CLMN: variants seen among roughly 807,000 people sequenced by gnomAD.
The protein encoded by CLMN is calmin, also known as calmin (calponin-like, transmembrane).
A neutral mutation model predicts 92.7 loss-of-function variants in CLMN; 57 were observed. The ratio of observed to expected loss-of-function variants is 0.61; its 90% confidence interval spans 0.50 to 0.77. CLMN has a LOEUF of 0.77. CLMN is among the 30% of genes least tolerant of loss of function. The probability of loss-of-function intolerance (pLI) is 0.00; values close to 1 mark genes in which losing one functional copy is unlikely to be tolerated. For synonymous variants in CLMN, 466 were observed against 470.6 expected (o/e 0.99, Z 0.13); for missense variants, 1,158 against 1,237.5 (o/e 0.94, Z 0.96).
intron 1 of CLMN, among the ~76,000 whole-genome samples, chr14:95,286,956 G>A (rs970612049): frequency 3.9e-5 from 6 of 152,202 alleles, no homozygotes; most frequent in Non-Finnish European, 7.3e-5. Flanking sequence ...TATGATTTGG[G>A]AGGGAGAACC....
rs542143520 is a variant in CLMN, at chr14:95,209,574, T to C, written c.803-97A>G. 6.2e-5 allele frequency: 61 copies of C among 979,648 alleles called. No homozygotes were observed. The South Asian group carries it at 7.5e-4, about 12-fold the overall frequency. 60.7% of individuals were successfully genotyped at this position (979,648 alleles called of 1,614,324 possible). On this transcript the variant is annotated intron_variant, in intron 7 of 12. Coordinates refer to ENST00000298912, the MANE Select transcript of CLMN (RefSeq NM_024734.4). ...GATGGTGAAGAATCCCACAGATTATTGAAGGTTTTTTCTCTTTATTTTCCA... is the reference window on the plus strand; with the variant it reads ...GATGGTGAAGAATCCCACAGATTATCGAAGGTTTTTTCTCTTTATTTTCCA...
chr14:95,238,663 T>A (rs1003735033), intron 1 of CLMN, among the ~76,000 whole-genome samples: 2 of 152,252 alleles, frequency 1.3e-5, no homozygotes. Context: ...GCCACCATGC[T>A]GACCAGGGAG....
intron 7 of CLMN, among the ~76,000 whole-genome samples, chr14:95,209,924 GGTCCTTA>G (rs1268204918): frequency 6.6e-6 from 1 of 152,092 alleles, no homozygotes; most frequent in Non-Finnish European, 1.5e-5. Context: ...AATGAAACCT[GGTCCTTA>G]AGGAAATAAT....
At chr14:95,195,404 C>T (rs1896679927) in intron 10 of CLMN, among the ~76,000 whole-genome samples, 1 of 152,196 alleles carries the variant, frequency 6.6e-6, no homozygotes, top group Non-Finnish European at 1.5e-5. Flanking sequence ...TGTGCCTTGG[C>T]CCTCCTCCCC....
intron 1 of CLMN, among the ~76,000 whole-genome samples, chr14:95,268,766 G>T (rs1566905217): frequency 6.7e-6 from 1 of 148,546 alleles, no homozygotes. Context: ...ACTAGTGAGG[G>T]TATACTGGGA....
chr14:95,197,663 A>G (rs964659155), intron 9 of CLMN, among the ~76,000 whole-genome samples: 17 of 152,286 alleles, frequency 1.1e-4, no homozygotes, highest in Middle Eastern at 3.4e-3. Context: ...GGTAATGAAG[A>G]TTCTTTGACC....
chr14:95,255,273 TC>T (rs1234858063), intron 1 of CLMN, among the ~76,000 whole-genome samples: 1 of 152,024 alleles, frequency 6.6e-6, no homozygotes, highest in South Asian at 2.1e-4. Flanking sequence ...GTACAGTAGT[TC>T]CCCCCATCTG....
At chr14:95,219,194 G>A (rs1275200105) in intron 4 of CLMN, among the ~76,000 whole-genome samples, 2 of 152,210 alleles carry the variant, frequency 1.3e-5, no homozygotes, top group Admixed American at 6.5e-5. Context: ...AGCAAACCTA[G>A]GACCTACTAG....
intron 1 of CLMN, among the ~76,000 whole-genome samples, chr14:95,280,629 C>T (rs2140739396): frequency 6.6e-6 from 1 of 152,178 alleles, no homozygotes; most frequent in African/African-American, 2.4e-5. Flanking sequence ...CTTTTTCTGA[C>T]CTGATTAATC....
In CLMN at chr14:95,194,202, CT is replaced by C; in HGVS notation, c.2770-284del. On this transcript the variant is annotated intron_variant, in intron 11 of 12. Transcript: ENST00000298912. This position sits in a 1 kb window ranked among gnomAD's most constrained non-coding sequence, Gnocchi z 4.0. ...CACATCTGCTACTGAGCACGTGCCACTGTCCATCGGACCTTGACTCATGTTG... is the reference window on the plus strand; with the variant it reads ...CACATCTGCTACTGAGCACGTGCCACGTCCATCGGACCTTGACTCATGTTG... The C allele has an allele frequency of 7.2e-7, 1 of 1,397,070 alleles. No homozygotes were observed. The highest frequency in any genetic ancestry group is 9.3e-7 in the Non-Finnish European group (1 of 1,080,076). 86.5% of individuals were successfully genotyped at this position (1,397,070 alleles called of 1,614,324 possible).
At chr14:95,237,952 T>A (rs1367442344) in intron 1 of CLMN, among the ~76,000 whole-genome samples, 1 of 152,138 alleles carries the variant, frequency 6.6e-6, no homozygotes, top group Non-Finnish European at 1.5e-5. Context: ...TCTCACTCCA[T>A]CAGCTTGAGC....
chr14:95,212,313 T>C (rs1444058317), intron 6 of CLMN, among the ~76,000 whole-genome samples: 1 of 152,202 alleles, frequency 6.6e-6, no homozygotes, highest in East Asian at 1.9e-4. Flanking sequence ...TTCACCAGGA[T>C]CTCAACCAGT....
chr14:95,292,481 G>A (rs1900615143), intron 1 of CLMN, among the ~76,000 whole-genome samples: 1 of 110,648 alleles, frequency 9.0e-6, no homozygotes, highest in Non-Finnish European at 1.9e-5. Context: ...TGGGTCACAG[G>A]CTCCATGGCC....
At chr14:95,202,030 C>T (rs900341999) in intron 9 of CLMN, among the ~76,000 whole-genome samples, 1 of 152,138 alleles carries the variant, frequency 6.6e-6, no homozygotes, top group Non-Finnish European at 1.5e-5. Context: ...AATAGTGTTG[C>T]AATAAACATA....
At chr14:95,310,758 G>C (rs562074877) in intron 1 of CLMN, among the ~76,000 whole-genome samples, 235 of 152,308 alleles carry the variant, frequency 1.5e-3, no homozygotes, top group Non-Finnish European at 1.9e-3. Flanking sequence ...GCTGTTCTGG[G>C]CATGGTCACA....
In CLMN at chr14:95,227,306, G is replaced by A. The variant is rs547890643; in HGVS notation, c.144+2766C>T. Among the ~76,000 whole-genome samples, 9 of 152,198 alleles carry A rather than the reference G, an allele frequency of 5.9e-5. No individual in the cohort carries two copies. In the South Asian group the frequency reaches 8.3e-4, roughly 14 times the overall value. On this transcript the variant is annotated intron_variant, in intron 2 of 12. Coordinates refer to ENST00000298912, the MANE Select transcript of CLMN (RefSeq NM_024734.4). ...GTCAAAATACAGGGCAATTCCACCC[G>A]CAGGTGCACAGAAAAGGGCTTCGCT...
At chr14:95,296,800 A>T (rs1900825752) in intron 1 of CLMN, among the ~76,000 whole-genome samples, 1 of 152,222 alleles carries the variant, frequency 6.6e-6, no homozygotes, top group Non-Finnish European at 1.5e-5. Flanking sequence ...AGCGGGCCAC[A>T]CCAGCTTGAA....
At chr14:95,300,894 C>A (rs1901024162) in intron 1 of CLMN, among the ~76,000 whole-genome samples, 1 of 152,144 alleles carries the variant, frequency 6.6e-6, no homozygotes, top group African/African-American at 2.4e-5. Flanking sequence ...AGCAGACGCT[C>A]AATAAATATT....
intron 2 of CLMN, among the ~76,000 whole-genome samples, chr14:95,226,128 T>C (rs1897703887): frequency 6.6e-6 from 1 of 152,192 alleles, no homozygotes. Flanking sequence ...CACCCCTCAG[T>C]ATCTATATGG....
Sources: allele counts gnomAD v4.1 joint callset (sites outside exome capture counted in the v4.1 genomes callset), GRCh38; gene constraint gnomAD v4.1.1; non-coding constraint Gnocchi (gnomAD v3.1); transcripts MANE v1.5; gene names NCBI Gene and HGNC (gene_info 2026-07-23, HGNC 2026-07-21).